The following KIAA1328 variants were observed in gnomAD, a reference collection of about 807,000 sequenced individuals.
KIAA1328 encodes protein hinderin.
A neutral mutation model predicts 68.1 loss-of-function variants in KIAA1328; 52 were observed. The ratio of observed to expected loss-of-function variants is 0.76; its 90% CI spans 0.61 to 0.96. The LOEUF is 0.96. Ranked by LOEUF, KIAA1328 falls within the 40% of genes least tolerant of loss-of-function variation. The pLI is 0.00. For synonymous variants in KIAA1328, 232 were observed against 239.4 expected, an observed-to-expected ratio of 0.97 and a Z score of 0.28; for missense variants, 641 against 677.6, an observed-to-expected ratio of 0.95 and a Z score of 0.60.
chr18:37,142,307 T>C (rs1379459262), intron 7 of KIAA1328, among the ~76,000 whole-genome samples: 5 of 152,110 alleles, frequency 3.3e-5, no homozygotes, highest in Non-Finnish European at 7.4e-5. Flanking sequence ...TTCTCCTGCC[T>C]CAGCCTCTTG....
At chr18:37,161,888 G>A (rs1180988569) in intron 8 of KIAA1328, among the ~76,000 whole-genome samples, 1 of 152,234 alleles carries the variant, frequency 6.6e-6, no homozygotes, top group Non-Finnish European at 1.5e-5. Flanking sequence ...AATTGAAAAG[G>A]CACTTTGAGA....
chr18:37,116,267 A>C (rs1000185849), intron 7 of KIAA1328, among the ~76,000 whole-genome samples: 28 of 152,226 alleles, frequency 1.8e-4, no homozygotes, highest in African/African-American at 6.8e-4. Flanking sequence ...ACTATACTAC[A>C]AGGCTACAGT....
chr18:37,118,474 C>T (rs1259432609), intron 7 of KIAA1328, among the ~76,000 whole-genome samples: 1 of 152,172 alleles, frequency 6.6e-6, no homozygotes, highest in Non-Finnish European at 1.5e-5. Context: ...ACTCACAGAA[C>T]ATAGAACTAA....
intron 6 of KIAA1328, among the ~76,000 whole-genome samples, chr18:36,982,325 G>A (rs572108817): frequency 8.3e-4 from 125 of 150,856 alleles, no homozygotes; most frequent in African/African-American, 2.8e-3. Context: ...CTAAACACAT[G>A]TATACCAAAG....
chr18:37,118,008 C>CTTTCT (rs1556890918), intron 7 of KIAA1328, among the ~76,000 whole-genome samples: 5 of 141,686 alleles, frequency 3.5e-5, no homozygotes, highest in African/African-American at 1.3e-4. Context: ...TGCTTTCTTT[C>CTTTCT]TTTTTTTTTT....
chr18:37,202,436 G>A (rs2060132954), intron 9 of KIAA1328, among the ~76,000 whole-genome samples: 1 of 152,228 alleles, frequency 6.6e-6, no homozygotes, highest in Middle Eastern at 3.4e-3. Context: ...GATCTCCAAA[G>A]TTATCACAAA....
At chr18:37,122,921 G>A (rs1022128894) in intron 7 of KIAA1328, among the ~76,000 whole-genome samples, 1 of 152,256 alleles carries the variant, frequency 6.6e-6, no homozygotes, top group East Asian at 1.9e-4. Context: ...AATTTGTACT[G>A]CCTCTTTAGA....
rs1235088961 is a variant in KIAA1328, at chr18:37,221,996, T to C, written c.1524-21T>C. 1.9e-6 allele frequency: 3 copies of C among 1,608,790 alleles called. No homozygotes were observed. In the South Asian group the frequency reaches 3.3e-5, roughly 18 times the overall value. ...TTTCTAATAATCTGATCCTTTCCTGTCTGGGTTATATGTCTTACAGGTATG... is the reference window on the plus strand; with the variant it reads ...TTTCTAATAATCTGATCCTTTCCTGCCTGGGTTATATGTCTTACAGGTATG... On this transcript the variant is annotated intron_variant, in intron 9 of 9. Coordinates refer to ENST00000280020, the MANE Select transcript of KIAA1328 (RefSeq NM_020776.3).
intron 9 of KIAA1328, among the ~76,000 whole-genome samples, chr18:37,180,061 CACA>C (rs2059669521): frequency 6.8e-5 from 1 of 14,796 alleles, no homozygotes; most frequent in African/African-American, 7.3e-4. Flanking sequence ...TCAAAAGCCA[CACA>C]CACACACACA....
intron 7 of KIAA1328, among the ~76,000 whole-genome samples, chr18:37,140,237 G>T (rs1300805926): frequency 6.6e-6 from 1 of 151,902 alleles, no homozygotes; most frequent in East Asian, 1.9e-4. Flanking sequence ...TTGTCAGAAG[G>T]CATCCTATCA....
intron 2 of KIAA1328, 56 bp from the exon 3 acceptor site, chr18:36,835,178 G>A: frequency 7.4e-6 from 11 of 1,486,644 alleles, no homozygotes; most frequent in South Asian, 2.5e-5. Flanking sequence ...GTTGATGGGG[G>A]AGGGTTTAAG....
intron 4 of KIAA1328, among the ~76,000 whole-genome samples, chr18:36,864,455 C>G (rs1032238665): frequency 6.6e-6 from 1 of 151,990 alleles, no homozygotes. Context: ...GCGCCTGCCA[C>G]CACGCCCGGC....
intron 6 of KIAA1328, among the ~76,000 whole-genome samples, chr18:37,039,569 C>T (rs185341578): frequency 6.6e-6 from 1 of 151,938 alleles, no homozygotes; most frequent in South Asian, 2.1e-4. Context: ...AACGCCACCA[C>T]GCCCAGCTAA....
chr18:36,935,425 CCT>C (rs1465677585), intron 5 of KIAA1328, among the ~76,000 whole-genome samples: 1 of 152,158 alleles, frequency 6.6e-6, no homozygotes, highest in African/African-American at 2.4e-5. Flanking sequence ...GGCATTTTCC[CCT>C]GTCTGGTTAA....
At chr18:37,065,947 A>C (rs1302807631) in intron 6 of KIAA1328, among the ~76,000 whole-genome samples, 1 of 152,224 alleles carries the variant, frequency 6.6e-6, no homozygotes, top group African/African-American at 2.4e-5. Flanking sequence ...ACAGTAAGGC[A>C]GATGGAGGTG....
intron 6 of KIAA1328, among the ~76,000 whole-genome samples, chr18:36,968,580 A>G (rs1717581900): frequency 6.6e-6 from 1 of 152,210 alleles, no homozygotes. Context: ...TCAACATGAA[A>G]ACCTAATTAG....
In KIAA1328 at chr18:37,206,711, C is replaced by A. The variant is rs543216396; in HGVS notation, c.1524-15306C>A. ...TGAATAGTTTTAGAAAGTTGATCTG[C>A]CAAGCTTAAAAACTCATGGGTATTT... On this transcript the variant is annotated intron_variant, in intron 9 of 9. Transcript: ENST00000280020. Among the ~76,000 whole-genome samples the A allele has an allele frequency of 2.0e-5, 3 of 152,148 alleles. No individual in the cohort carries two copies. The East Asian group carries it at 5.8e-4, about 29-fold the overall frequency.
intron 6 of KIAA1328, among the ~76,000 whole-genome samples, chr18:37,066,034 C>T (rs1199771050): frequency 6.6e-6 from 1 of 152,114 alleles, no homozygotes; most frequent in South Asian, 2.1e-4. Flanking sequence ...ACTCTGCTTC[C>T]GACAGAAAGA....
intron 1 of KIAA1328, among the ~76,000 whole-genome samples, chr18:36,832,008 T>G (rs1226087564): frequency 1.3e-5 from 2 of 152,160 alleles, no homozygotes; most frequent in African/African-American, 4.8e-5. Flanking sequence ...ATGTACATTG[T>G]TTTAGGTATT....
Sources: allele counts gnomAD v4.1 joint callset (sites outside exome capture counted in the v4.1 genomes callset), GRCh38; gene constraint gnomAD v4.1.1; transcripts MANE v1.5; gene names NCBI Gene and HGNC (gene_info 2026-07-23, HGNC 2026-07-21).